Variants in SRPK2 observed in about 807,000 individuals in gnomAD.
SRPK2 encodes SRSF protein kinase 2.
Under a neutral mutation model 90.8 loss-of-function variants are expected in SRPK2, and 21 were observed. The observed-to-expected ratio is 0.23, with a 90% confidence interval of 0.16 to 0.33. The LOEUF is 0.33. Among genes scored for constraint, SRPK2 ranks in the 10% least tolerant of loss-of-function variants. The pLI is 1.00. For synonymous variants in SRPK2, 288 were observed against 311.1 expected, an observed-to-expected ratio of 0.93 and a Z score of 0.78; for missense variants, 620 against 869.0, an observed-to-expected ratio of 0.71 and a Z score of 3.60.
intron 1 of SRPK2, among the ~76,000 whole-genome samples, chr7:105,396,729 G>A (rs1822333147): frequency 6.7e-6 from 1 of 148,980 alleles, no homozygotes; most frequent in African/African-American, 2.5e-5. Context: ...GAGGGGAGAA[G>A]GAAGAGGAGG....
intron 3 of SRPK2, among the ~76,000 whole-genome samples, chr7:105,181,546 A>C (rs1792811192): frequency 6.6e-6 from 1 of 152,210 alleles, no homozygotes; most frequent in Non-Finnish European, 1.5e-5. Context: ...AAAAAAGAAC[A>C]AGATCATGTC....
At chr7:105,285,063 T>C (rs536491130) in intron 2 of SRPK2, among the ~76,000 whole-genome samples, 23 of 152,294 alleles carry the variant, frequency 1.5e-4, no homozygotes, top group Admixed American at 9.8e-4. Context: ...TTTGGCCATG[T>C]ACTGAGTTGC....
intron 2 of SRPK2, among the ~76,000 whole-genome samples, chr7:105,259,629 C>G (rs923857770): frequency 1.3e-5 from 2 of 152,198 alleles, no homozygotes; most frequent in Admixed American, 1.3e-4. Flanking sequence ...TACCTGACTT[C>G]AAACTATACT....
At chr7:105,299,373 G>A (rs575893108) in intron 2 of SRPK2, among the ~76,000 whole-genome samples, 7 of 152,224 alleles carry the variant, frequency 4.6e-5, no homozygotes, top group South Asian at 4.2e-4. Context: ...GGCTTCTTTC[G>A]GATATCCTTT....
chr7:105,305,284 A>G (rs1284728511), intron 2 of SRPK2, among the ~76,000 whole-genome samples: 1 of 152,138 alleles, frequency 6.6e-6, no homozygotes, highest in Non-Finnish European at 1.5e-5. Flanking sequence ...CACTAAAAAC[A>G]CAAAATTAGC....
chr7:105,345,229 A>G (rs543067775), intron 2 of SRPK2, among the ~76,000 whole-genome samples: 10 of 152,094 alleles, frequency 6.6e-5, no homozygotes, highest in Non-Finnish European at 1.5e-4. Context: ...AAACTTGCTT[A>G]TCTAGTTTCT....
rs1486593195 is a variant in SRPK2 at position 105,146,481 on chromosome 7, C to T, written c.787+12G>A. The T allele has an allele frequency of 1.2e-6, 2 of 1,613,164 alleles. No individual in the cohort carries two copies. Among genetic ancestry groups the T allele is most frequent in the Admixed American group, 1.7e-5 (1 of 59,868 alleles). On this transcript the variant is annotated intron_variant, in intron 8 of 15. Coordinates refer to ENST00000393651, the MANE Select transcript of SRPK2 (RefSeq NM_182692.3). ...CCCCCACACTGAAATGAAGCTGGCT[C>T]AGCTCCCTCACCTGCAGACCCTGAA... is the stretch of plus-strand genomic sequence containing the variant.
intron 2 of SRPK2, among the ~76,000 whole-genome samples, chr7:105,239,215 A>C (rs1027253276): frequency 1.3e-5 from 2 of 152,240 alleles, no homozygotes; most frequent in African/African-American, 4.8e-5. Context: ...AGCACAATTT[A>C]ATCAGTTGTT....
chr7:105,270,793 G>C (rs555388826), intron 2 of SRPK2, among the ~76,000 whole-genome samples: 2 of 152,040 alleles, frequency 1.3e-5, no homozygotes, highest in Non-Finnish European at 2.9e-5. Context: ...TGTAAAATGA[G>C]GATAATAACA....
chr7:105,239,347 T>G (rs1239170259), intron 2 of SRPK2, among the ~76,000 whole-genome samples: 1 of 152,200 alleles, frequency 6.6e-6, no homozygotes, highest in African/African-American at 2.4e-5. Flanking sequence ...ATAGCATTCC[T>G]TCCTTCCTAT....
intron 3 of SRPK2, among the ~76,000 whole-genome samples, chr7:105,202,573 A>G (rs1795693855): frequency 6.6e-6 from 1 of 152,192 alleles, no homozygotes; most frequent in Non-Finnish European, 1.5e-5. Context: ...TCTAGATCAT[A>G]TTGTTCTTAA....
intron 9 of SRPK2, among the ~76,000 whole-genome samples, chr7:105,144,885 T>C (rs1804333787): frequency 6.6e-6 from 1 of 152,160 alleles, no homozygotes; most frequent in African/African-American, 2.4e-5. Flanking sequence ...GGCAGGCAGA[T>C]AACTTGAGGT....
At chr7:105,176,140 G>A (rs1791810698) in intron 3 of SRPK2, among the ~76,000 whole-genome samples, 1 of 152,124 alleles carries the variant, frequency 6.6e-6, no homozygotes, top group Non-Finnish European at 1.5e-5. Context: ...ATCAAATGGG[G>A]TTTATTCCAG....
intron 2 of SRPK2, among the ~76,000 whole-genome samples, chr7:105,282,202 C>T (rs1807436363): frequency 6.6e-6 from 1 of 152,120 alleles, no homozygotes; most frequent in South Asian, 2.1e-4. Flanking sequence ...AACAGGGTGC[C>T]AAGACCATCT....
intron 3 of SRPK2, among the ~76,000 whole-genome samples, chr7:105,178,176 A>G (rs1199161589): frequency 6.6e-6 from 1 of 152,182 alleles, no homozygotes; most frequent in Non-Finnish European, 1.5e-5. Context: ...AGTAATTTAA[A>G]GCACAATTTA....
chr7:105,262,610 G>A (rs538538675), intron 2 of SRPK2, among the ~76,000 whole-genome samples: 1 of 152,288 alleles, frequency 6.6e-6, no homozygotes, highest in Non-Finnish European at 1.5e-5. Flanking sequence ...ACGGCCTCTA[G>A]TACCCAGTTA....
At chr7:105,370,028 A>AAACAACAACAACAACAACAAC (rs10694399) in intron 2 of SRPK2, among the ~76,000 whole-genome samples, 3 of 150,258 alleles carry the variant, frequency 2.0e-5, no homozygotes, top group African/African-American at 7.4e-5. Flanking sequence ...ACTCCATCTC[A>AAACAACAACAACAACAACAAC]AACAACAACA....
intron 2 of SRPK2, among the ~76,000 whole-genome samples, chr7:105,352,589 T>C (rs1317758002): frequency 2.0e-5 from 3 of 152,234 alleles, no homozygotes; most frequent in African/African-American, 7.2e-5. Context: ...TAACTTGTTA[T>C]GTGGTAATAA....
At chr7:105,374,940 A>G (rs1820119709) in intron 2 of SRPK2, among the ~76,000 whole-genome samples, 1 of 152,160 alleles carries the variant, frequency 6.6e-6, no homozygotes, top group Non-Finnish European at 1.5e-5. Flanking sequence ...AAAATGTAAA[A>G]TAAGGAAAGC....
Sources: allele counts gnomAD v4.1 joint callset (sites outside exome capture counted in the v4.1 genomes callset), GRCh38; gene constraint gnomAD v4.1.1; transcripts MANE v1.5; gene names NCBI Gene and HGNC (gene_info 2026-07-23, HGNC 2026-07-21).